SLC35F1: variants seen among roughly 807,000 people sequenced by gnomAD.
SLC35F1 encodes solute carrier family 35 member F1.
SLC35F1 carries 14 observed loss-of-function variants against 48.7 expected under a neutral mutation model. The observed-to-expected ratio is 0.29, with a 90% confidence interval of 0.19 to 0.45. The LOEUF is 0.45. Among genes scored for constraint, SLC35F1 ranks in the 20% least tolerant of loss-of-function variants. The probability of loss-of-function intolerance (pLI) is 1.00; values close to 1 mark genes in which losing one functional copy is unlikely to be tolerated. For synonymous variants in SLC35F1, 190 were observed against 202.2 expected, an observed-to-expected ratio of 0.94 and a Z score of 0.51; for missense variants, 404 against 500.0, an observed-to-expected ratio of 0.81 and a Z score of 1.83.
intron 1 of SLC35F1, among the ~76,000 whole-genome samples, chr6:117,970,929 G>A (rs1776629728): frequency 6.6e-6 from 1 of 152,100 alleles, no homozygotes; most frequent in South Asian, 2.1e-4. Context: ...TTCTGCTTCT[G>A]CTCCCTCCCA....
intron 6 of SLC35F1, among the ~76,000 whole-genome samples, chr6:118,277,807 G>A (rs568850690): frequency 4.5e-4 from 67 of 150,358 alleles, no homozygotes; most frequent in Non-Finnish European, 6.8e-4. Flanking sequence ...TGTGTTATTA[G>A]GTTAAACACC....
At chr6:117,989,092 G>T (rs930894179) in intron 1 of SLC35F1, among the ~76,000 whole-genome samples, 1 of 152,174 alleles carries the variant, frequency 6.6e-6, no homozygotes, top group African/African-American at 2.4e-5. Flanking sequence ...CGGATGATTC[G>T]TAGTCAGTGA....
chr6:118,304,470 T>C (rs1271614893), intron 7 of SLC35F1, among the ~76,000 whole-genome samples: 4 of 151,912 alleles, frequency 2.6e-5, no homozygotes, highest in Non-Finnish European at 4.4e-5. Context: ...AAGCCAGAGG[T>C]TGATTATTTG....
chr6:118,303,064 C>A (rs1776273053), intron 7 of SLC35F1, among the ~76,000 whole-genome samples: 1 of 151,288 alleles, frequency 6.6e-6, no homozygotes, highest in Admixed American at 6.6e-5. Context: ...ATAACTTACT[C>A]ATCTACTTAT....
At chr6:118,089,522 TTA>T (rs1322966589) in intron 1 of SLC35F1, among the ~76,000 whole-genome samples, 1 of 152,362 alleles carries the variant, frequency 6.6e-6, no homozygotes, top group South Asian at 2.1e-4. Context: ...TGCTCATTTT[TTA>T]TGATACACTC....
chr6:118,215,970 A>G (rs977063925), intron 2 of SLC35F1, among the ~76,000 whole-genome samples: 2 of 152,184 alleles, frequency 1.3e-5, no homozygotes, highest in Non-Finnish European at 2.9e-5. Context: ...TGTACTTTGT[A>G]TCATAGATTT....
At chr6:118,171,623 C>T (rs1774405592) in intron 2 of SLC35F1, among the ~76,000 whole-genome samples, 1 of 152,174 alleles carries the variant, frequency 6.6e-6, no homozygotes, top group Admixed American at 6.5e-5. Context: ...TATTTCCCCA[C>T]TTAAGTGTCA....
chr6:118,053,707 A>G (rs1242370068), intron 1 of SLC35F1, among the ~76,000 whole-genome samples: 1 of 152,202 alleles, frequency 6.6e-6, no homozygotes, highest in African/African-American at 2.4e-5. Flanking sequence ...TATTTGAAGC[A>G]CTAGCACTTA....
intron 1 of SLC35F1, among the ~76,000 whole-genome samples, chr6:118,144,707 A>C (rs1479851070): frequency 2.0e-5 from 3 of 152,006 alleles, no homozygotes; most frequent in South Asian, 4.1e-4. Flanking sequence ...GGAAGAAAAT[A>C]TTATCATTAC....
At chr6:118,205,839 G>T (rs973685244) in intron 2 of SLC35F1, among the ~76,000 whole-genome samples, 7 of 152,160 alleles carry the variant, frequency 4.6e-5, no homozygotes, top group Non-Finnish European at 1.0e-4. Context: ...ATACAATATG[G>T]ACTACCCTTG....
intron 1 of SLC35F1, among the ~76,000 whole-genome samples, chr6:117,984,446 C>T (rs559558154): frequency 6.7e-6 from 1 of 150,134 alleles, no homozygotes; most frequent in South Asian, 2.1e-4. Context: ...TTGTAGTGAG[C>T]CGAGATTGCG....
At chr6:118,219,107 T>C (rs1214035298) in intron 2 of SLC35F1, among the ~76,000 whole-genome samples, 1 of 152,204 alleles carries the variant, frequency 6.6e-6, no homozygotes, top group African/African-American at 2.4e-5. Flanking sequence ...GCTGACTCAC[T>C]AGTGCCACCG....
At chr6:118,248,361 A>C (rs2114599999) in intron 3 of SLC35F1, among the ~76,000 whole-genome samples, 1 of 152,310 alleles carries the variant, frequency 6.6e-6, no homozygotes, top group African/African-American at 2.4e-5. Flanking sequence ...TTTACATAGC[A>C]AAAAAGACTC....
At chr6:118,304,130 C>T (rs1046290165) in intron 7 of SLC35F1, among the ~76,000 whole-genome samples, 1 of 152,092 alleles carries the variant, frequency 6.6e-6, no homozygotes, top group Non-Finnish European at 1.5e-5. Context: ...CATGGGTGCT[C>T]AAACATGATT....
At chr6:118,089,788 A>T (rs923188958) in intron 1 of SLC35F1, among the ~76,000 whole-genome samples, 1 of 152,188 alleles carries the variant, frequency 6.6e-6, no homozygotes, top group African/African-American at 2.4e-5. Context: ...ACAGGGCTTC[A>T]TGTTAATAGC....
At chr6:117,912,985 G>T (rs986107318) in intron 1 of SLC35F1, among the ~76,000 whole-genome samples, 1 of 152,152 alleles carries the variant, frequency 6.6e-6, no homozygotes, top group African/African-American at 2.4e-5. Context: ...GATGTAGAAG[G>T]TATAGGCAAT....
intron 1 of SLC35F1, among the ~76,000 whole-genome samples, chr6:118,097,096 A>G (rs1003509578): frequency 2.0e-4 from 30 of 152,210 alleles, no homozygotes; most frequent in African/African-American, 7.2e-4. Context: ...TGATCTTTCT[A>G]AAACTCAAAG....
intron 1 of SLC35F1, among the ~76,000 whole-genome samples, chr6:117,987,794 T>C (rs1776866861): frequency 6.6e-6 from 1 of 152,244 alleles, no homozygotes; most frequent in Admixed American, 6.5e-5. Flanking sequence ...TTGTGAATTA[T>C]ATGCCTGGCA....
At chr6:118,236,128 T>C (rs1775362107) in intron 3 of SLC35F1, among the ~76,000 whole-genome samples, 2 of 152,210 alleles carry the variant, frequency 1.3e-5, no homozygotes, top group African/African-American at 4.8e-5. Context: ...ATTTGCAACC[T>C]GAAGGGACAG....
Sources: allele counts gnomAD v4.1 joint callset (sites outside exome capture counted in the v4.1 genomes callset), GRCh38; gene constraint gnomAD v4.1.1; transcripts MANE v1.5; gene names NCBI Gene and HGNC (gene_info 2026-07-23, HGNC 2026-07-21).